The following GALNT13 variants were observed in gnomAD, a reference collection of about 807,000 sequenced individuals.
GALNT13 encodes the protein UDP-GalNAc:polypeptide N-acetylgalactosaminyltransferase 13.
A neutral mutation model predicts 64.2 loss-of-function variants in GALNT13; 28 were observed. The observed-to-expected ratio is 0.44, with a 90% CI of 0.32 to 0.60. GALNT13 has a LOEUF of 0.60. Among genes scored for constraint, GALNT13 ranks in the 20% least tolerant of loss-of-function variants. The pLI is 0.05. For missense variants in GALNT13, 577 were observed against 669.8 expected, an observed-to-expected ratio of 0.86 and a Z score of 1.53; for synonymous variants, 214 against 224.6, an observed-to-expected ratio of 0.95 and a Z score of 0.42.
At chr2:153,997,407 T>C (rs1365916047) in intron 3 of GALNT13, among the ~76,000 whole-genome samples, 1 of 151,608 alleles carries the variant, frequency 6.6e-6, no homozygotes, top group Non-Finnish European at 1.5e-5. Context: ...CTTGATTGAC[T>C]TTATTCTTAG....
the GALNT13 span, among the ~76,000 whole-genome samples, chr2:153,128,576 G>C: frequency 3.8e-3 from 572 of 152,138 alleles, 4 homozygotes; most frequent in African/African-American, 0.013. Context: ...ACAATACAAA[G>C]AATATATCCT....
chr2:154,342,240 G>A (rs929638460), intron 9 of GALNT13, among the ~76,000 whole-genome samples: 15 of 151,898 alleles, frequency 9.9e-5, no homozygotes, highest in African/African-American at 3.6e-4. Context: ...AGAGAATGGA[G>A]GTAGGAAAAA....
intron 7 of GALNT13, among the ~76,000 whole-genome samples, chr2:154,249,559 A>AT (rs976083942): frequency 3.3e-5 from 5 of 152,262 alleles, no homozygotes; most frequent in African/African-American, 1.2e-4. Flanking sequence ...ATTAAAATAG[A>AT]TTTTTTAAAT....
chr2:153,881,747 A>G (rs1365724595), intron 1 of GALNT13, among the ~76,000 whole-genome samples: 1 of 152,110 alleles, frequency 6.6e-6, no homozygotes, highest in East Asian at 1.9e-4. Context: ...TTTTTTTGCA[A>G]ATGTTAATCA....
the GALNT13 span, among the ~76,000 whole-genome samples, chr2:153,668,255 G>T: frequency 2.6e-5 from 4 of 151,932 alleles, no homozygotes; most frequent in Non-Finnish European, 4.4e-5. Context: ...TGACCAAGGG[G>T]ACCTAACAGA....
chr2:153,351,251 G>A, the GALNT13 span, among the ~76,000 whole-genome samples: 6 of 152,150 alleles, frequency 3.9e-5, no homozygotes, highest in African/African-American at 1.2e-4. Flanking sequence ...TAGGAAACAA[G>A]TGATTATGAA....
At chr2:153,295,629 C>T in the GALNT13 span, among the ~76,000 whole-genome samples, 28,871 of 151,896 alleles carry the variant, frequency 0.19, 2,985 homozygotes, top group African/African-American at 0.26. Context: ...AATTCTTTTG[C>T]GCACTAAAGT....
chr2:153,203,562 C>T, the GALNT13 span, among the ~76,000 whole-genome samples: 1 of 152,068 alleles, frequency 6.6e-6, no homozygotes, highest in East Asian at 1.9e-4. Context: ...TGATTTTCCC[C>T]ATGGAAAATG....
the GALNT13 span, among the ~76,000 whole-genome samples, chr2:153,258,613 G>A: frequency 1.3e-5 from 2 of 151,922 alleles, no homozygotes; most frequent in Admixed American, 6.6e-5. Flanking sequence ...TTTCCTCTTG[G>A]AACTGCTTTC....
chr2:153,207,301 C>A, the GALNT13 span, among the ~76,000 whole-genome samples: 3 of 152,032 alleles, frequency 2.0e-5, no homozygotes, highest in Non-Finnish European at 4.4e-5. Context: ...GTGGCTGATT[C>A]ATCTGAATCA....
At chr2:153,634,052 A>G in the GALNT13 span, among the ~76,000 whole-genome samples, 2 of 152,178 alleles carry the variant, frequency 1.3e-5, no homozygotes, top group Admixed American at 6.5e-5. Context: ...TGTCAGATGT[A>G]ATGCAGAAGA....
the GALNT13 span, among the ~76,000 whole-genome samples, chr2:153,802,000 C>T: frequency 6.6e-6 from 1 of 152,106 alleles, no homozygotes; most frequent in Admixed American, 6.5e-5. Context: ...ATTTTATCAT[C>T]CTGGCTGAGC....
At chr2:154,318,797 G>A (rs1044067972) in intron 9 of GALNT13, among the ~76,000 whole-genome samples, 1 of 151,718 alleles carries the variant, frequency 6.6e-6, no homozygotes, top group East Asian at 1.9e-4. Flanking sequence ...AGTTGTTTCA[G>A]TTATTCATGG....
At chr2:153,921,074 T>C (rs7559411) in intron 2 of GALNT13, among the ~76,000 whole-genome samples, 107,853 of 152,074 alleles carry the variant, frequency 0.71, 38,538 homozygotes, top group East Asian at 0.9. Flanking sequence ...AATGATTTCT[T>C]AAAGAACTTG....
At chr2:153,923,432 G>A (rs976078835) in intron 2 of GALNT13, among the ~76,000 whole-genome samples, 3 of 152,004 alleles carry the variant, frequency 2.0e-5, no homozygotes, top group Non-Finnish European at 4.4e-5. Flanking sequence ...TTTGGCTTTT[G>A]AATAAAATCA....
chr2:153,576,117 T>A, the GALNT13 span, among the ~76,000 whole-genome samples: 3 of 151,976 alleles, frequency 2.0e-5, no homozygotes, highest in Non-Finnish European at 1.5e-5. Context: ...TGTGGCTGAG[T>A]TGGTATCCAA....
chr2:153,876,870 A>G (rs1686417894), intron 1 of GALNT13, among the ~76,000 whole-genome samples: 1 of 152,132 alleles, frequency 6.6e-6, no homozygotes, highest in African/African-American at 2.4e-5. Flanking sequence ...GTTAAGTTAA[A>G]GTTGGGAGAC....
chr2:153,176,663 A>AG, the GALNT13 span, among the ~76,000 whole-genome samples: 1 of 151,858 alleles, frequency 6.6e-6, no homozygotes, highest in East Asian at 1.9e-4. Flanking sequence ...AAAGGAGAGA[A>AG]GGAAAAAAAG....
chr2:154,303,536 G>T (rs1194342210), intron 9 of GALNT13, among the ~76,000 whole-genome samples: 1 of 151,924 alleles, frequency 6.6e-6, no homozygotes, highest in Non-Finnish European at 1.5e-5. Flanking sequence ...CTCTTTGTTA[G>T]AAAATGATTT....
Sources: gnomAD v4.1 joint callset for allele counts (sites outside exome capture counted in the v4.1 genomes callset) on GRCh38, gnomAD v4.1.1 for gene constraint, MANE v1.5 for transcripts, NCBI Gene and HGNC (gene_info 2026-07-23, HGNC 2026-07-21) for gene names.